The following OSBPL10 variants were observed in gnomAD, a reference collection of about 807,000 sequenced individuals.
The protein encoded by OSBPL10 is oxysterol-binding protein-related protein 10.
In OSBPL10, 49 loss-of-function variants were observed where a neutral mutation model predicts 81.7. That is an observed-to-expected ratio of 0.60 (90% CI 0.48 to 0.76). The LOEUF is 0.76. Among genes scored for constraint, OSBPL10 ranks in the 30% least tolerant of loss-of-function variants. OSBPL10 has a pLI of 0.00. For synonymous variants in OSBPL10, 419 were observed against 383.6 expected, an observed-to-expected ratio of 1.09 and a Z score of -1.08; for missense variants, 923 against 987.8, an observed-to-expected ratio of 0.93 and a Z score of 0.88.
intron 7 of OSBPL10, among the ~76,000 whole-genome samples, chr3:31,699,207 C>A (rs1255221524): frequency 6.6e-6 from 1 of 152,150 alleles, no homozygotes; most frequent in African/African-American, 2.4e-5. Flanking sequence ...TCCTGAATAC[C>A]ACATGATGTT....
chr3:31,957,468 CCTCTA>C (rs766908237), intron 1 of OSBPL10, among the ~76,000 whole-genome samples: 13 of 152,188 alleles, frequency 8.5e-5, no homozygotes, highest in Admixed American at 5.9e-4. Context: ...AGCAGGCAGA[CCTCTA>C]CTCTACTGTG....
chr3:32,030,774 T>C (rs1699459542), intron 2 of OSBPL10: 1 of 610,432 alleles, frequency 1.6e-6, no homozygotes, highest in Non-Finnish European at 2.9e-6. Context: ...TAAAATATTC[T>C]CTGTTTGGAA....
intron 1 of OSBPL10, among the ~76,000 whole-genome samples, chr3:31,883,275 C>G (rs1271721116): frequency 6.7e-6 from 1 of 149,948 alleles, no homozygotes; most frequent in African/African-American, 2.5e-5. Context: ...AGTCTCGCTT[C>G]TTTGCCCAGG....
intron 4 of OSBPL10, among the ~76,000 whole-genome samples, chr3:31,771,971 T>C (rs1046042811): frequency 1.3e-5 from 2 of 152,222 alleles, no homozygotes; most frequent in African/African-American, 4.8e-5. Context: ...CATGTTCATT[T>C]AAGAAACAAT....
intron 2 of OSBPL10, among the ~76,000 whole-genome samples, chr3:32,037,009 C>T (rs1699526606): frequency 6.6e-6 from 1 of 152,096 alleles, no homozygotes; most frequent in Non-Finnish European, 1.5e-5. Flanking sequence ...CCTTACTACC[C>T]CCAACCCCCA....
intron 3 of OSBPL10, among the ~76,000 whole-genome samples, chr3:31,866,310 A>G (rs540709947): frequency 2.0e-5 from 3 of 152,068 alleles, no homozygotes; most frequent in Non-Finnish European, 4.4e-5. Flanking sequence ...AATGTCCCCA[A>G]ACAGGGGTGG....
intron 6 of OSBPL10, among the ~76,000 whole-genome samples, chr3:31,705,942 C>G (rs898486242): frequency 6.6e-6 from 1 of 152,042 alleles, no homozygotes; most frequent in East Asian, 1.9e-4. Flanking sequence ...CCCCCATCCC[C>G]CAGAGATTTT....
At chr3:32,006,898 T>C (rs185336250) in intron 2 of OSBPL10, among the ~76,000 whole-genome samples, 174 of 152,326 alleles carry the variant, frequency 1.1e-3, no homozygotes, top group Middle Eastern at 3.4e-3. Flanking sequence ...TCATGGATAT[T>C]TCCTCTTCTA....
chr3:32,012,538 C>T (rs1258458025), intron 2 of OSBPL10, among the ~76,000 whole-genome samples: 23 of 152,172 alleles, frequency 1.5e-4, no homozygotes, highest in Admixed American at 1.2e-3. Context: ...CATCAACTAA[C>T]GAGCAAAATA....
intron 11 of OSBPL10, chr3:31,662,769 G>A: frequency 1.0e-6 from 1 of 984,322 alleles, no homozygotes; most frequent in South Asian, 4.7e-5. Context: ...GTTTTTTCTT[G>A]TTGTTGTTGC....
At chr3:31,938,097 C>A (rs938854358) in intron 1 of OSBPL10, among the ~76,000 whole-genome samples, 1 of 152,090 alleles carries the variant, frequency 6.6e-6, no homozygotes, top group Non-Finnish European at 1.5e-5. Flanking sequence ...TCCTTTTGAC[C>A]CTACGAACTC....
Position 31,879,848 on chromosome 3 carries a change from A to G in OSBPL10, c.282-18T>C, listed in dbSNP as rs775209813. 6.2e-7 allele frequency: 1 copy of G among 1,608,892 alleles called. No homozygotes were observed. Among genetic ancestry groups the G allele is most frequent in the South Asian group, 1.1e-5 (1 of 90,116 alleles). On this transcript the variant is annotated intron_variant, in intron 1 of 11. Transcript: ENST00000396556. ...CGAAGTACCTGCACAGAGAAACCAC[A>G]GTACATCATTTTTCTCTCCTACCCT...
chr3:31,896,634 A>T (rs983641977), intron 1 of OSBPL10, among the ~76,000 whole-genome samples: 24 of 152,332 alleles, frequency 1.6e-4, no homozygotes, highest in Admixed American at 9.2e-4. Context: ...AGGCTCCTCT[A>T]GCTGGGCCAT....
In OSBPL10 at chr3:32,063,033, GTATTCCCTGGT is replaced by G. The variant is rs1158633752; in HGVS notation, n.185+14352_185+14362del. Among the ~76,000 whole-genome samples the G allele has an allele frequency of 4.3e-5, 4 of 93,302 alleles. 2 individuals are homozygous for G. Among genetic ancestry groups the G allele is most frequent in the African/African-American group, 1.1e-4 (4 of 36,220 alleles). The allele number at this position is 93,302 out of a possible 152,430, so 61.2% of individuals were successfully genotyped here. The stretch of plus-strand genomic sequence containing the variant: ...CAGTTTAGGTACTGAAAATATTTAT[GTATTCCCTGGT>G]CTTGATGAGCATAAGAGCAATCTTT... On this transcript the variant is annotated intron_variant and non_coding_transcript_variant, in intron 1 of 3. Coordinates refer to the OSBPL10 transcript ENST00000479173.
At chr3:31,663,554 G>A (rs1444972201) in intron 11 of OSBPL10, 4 of 1,003,068 alleles carry the variant, frequency 4.0e-6, no homozygotes, top group Non-Finnish European at 4.8e-6. Context: ...ATTTGCAGGT[G>A]ACAGCAACAG....
intron 8 of OSBPL10, among the ~76,000 whole-genome samples, chr3:31,675,031 C>A (rs1700430051): frequency 6.6e-6 from 1 of 152,182 alleles, no homozygotes; most frequent in East Asian, 1.9e-4. Flanking sequence ...TGGGACATAA[C>A]CCCATCATAA....
chr3:31,844,846 G>A (rs144718080), intron 3 of OSBPL10, among the ~76,000 whole-genome samples: 1,682 of 152,322 alleles, frequency 0.011, 10 homozygotes, highest in Non-Finnish European at 0.018. Context: ...GGCCAAGGCA[G>A]GAGGATCACT....
intron 3 of OSBPL10, among the ~76,000 whole-genome samples, chr3:31,861,671 G>T (rs973907780): frequency 3.9e-5 from 6 of 152,130 alleles, no homozygotes; most frequent in Non-Finnish European, 8.8e-5. Context: ...GTTTGCACTG[G>T]TTATCTATTA....
At chr3:31,907,392 C>T (rs1337254932) in intron 1 of OSBPL10, among the ~76,000 whole-genome samples, 1 of 151,836 alleles carries the variant, frequency 6.6e-6, no homozygotes, top group Non-Finnish European at 1.5e-5. Context: ...ACTGGAAGGC[C>T]GAGGTGGGCA....
Sources: allele counts gnomAD v4.1 joint callset (sites outside exome capture counted in the v4.1 genomes callset), GRCh38; gene constraint gnomAD v4.1.1; transcripts MANE v1.5; gene names NCBI Gene and HGNC (gene_info 2026-07-23, HGNC 2026-07-21).